EIF4G3: variants seen among roughly 807,000 people sequenced by gnomAD.
EIF4G3 encodes eukaryotic translation initiation factor 4 gamma 3.
In EIF4G3, 34 loss-of-function variants were observed where a neutral mutation model predicts 186.4. The observed-to-expected ratio is 0.18, with a 90% CI of 0.14 to 0.24. EIF4G3 has a LOEUF of 0.24. Among genes scored for constraint, EIF4G3 ranks in the 10% least tolerant of loss-of-function variants. The pLI, the probability that EIF4G3 is intolerant of heterozygous loss-of-function variation, is 1.00. For synonymous variants in EIF4G3, 673 were observed against 679.5 expected, an observed-to-expected ratio of 0.99 and a Z score of 0.15; for missense variants, 1,536 against 1,948.5, an observed-to-expected ratio of 0.79 and a Z score of 3.99.
intron 9 of EIF4G3, among the ~76,000 whole-genome samples, chr1:20,980,804 G>A (rs1381252903): frequency 1.3e-5 from 2 of 152,086 alleles, no homozygotes; most frequent in Non-Finnish European, 2.9e-5. Context: ...TGTGGCAAAG[G>A]GATGGGAGAA....
At chr1:20,821,637 C>T (rs979341140) in intron 33 of EIF4G3, among the ~76,000 whole-genome samples, 5 of 152,108 alleles carry the variant, frequency 3.3e-5, no homozygotes, top group African/African-American at 1.2e-4. Flanking sequence ...ATGTATACTT[C>T]TGTTATGTAT....
intron 34 of EIF4G3, among the ~76,000 whole-genome samples, chr1:20,816,146 G>A (rs1206689727): frequency 2.4e-5 from 3 of 126,692 alleles, no homozygotes; most frequent in Admixed American, 2.3e-4. Context: ...CGGGAGGTGA[G>A]GGGCGCCTCT....
intron 2 of EIF4G3, among the ~76,000 whole-genome samples, chr1:21,141,463 T>C (rs1399805659): frequency 6.6e-6 from 1 of 150,810 alleles, no homozygotes; most frequent in African/African-American, 2.4e-5. Context: ...AACTTTTGTA[T>C]TTTTTTCCTA....
intron 3 of EIF4G3, among the ~76,000 whole-genome samples, chr1:21,083,056 A>G (rs1175137355): frequency 6.8e-6 from 1 of 146,712 alleles, no homozygotes; most frequent in East Asian, 2.0e-4. Flanking sequence ...AAAAAAAAAA[A>G]AAAAAAAAAA....
At chr1:20,928,107 C>T (rs1237922957) in intron 14 of EIF4G3, among the ~76,000 whole-genome samples, 2 of 152,030 alleles carry the variant, frequency 1.3e-5, no homozygotes, top group Non-Finnish European at 2.9e-5. Flanking sequence ...CATTCAATAC[C>T]AAGCTGAGAA....
intron 2 of EIF4G3, among the ~76,000 whole-genome samples, chr1:21,151,952 AAAG>A (rs1163596798): frequency 1.3e-5 from 2 of 152,186 alleles, no homozygotes; most frequent in African/African-American, 4.8e-5. Context: ...AGTTCAAACA[AAAG>A]AAGACAGTAA....
Position 20,825,049 on chromosome 1 carries a change from A to C in EIF4G3, c.4368+51T>G, listed in dbSNP as rs1054308142. 3 of 1,234,694 alleles carry C rather than the reference A, an allele frequency of 2.4e-6. No homozygotes were observed. The African/African-American group carries it at 4.6e-5, about 19-fold the overall frequency. 76.5% of individuals were successfully genotyped at this position (1,234,694 alleles called of 1,614,324 possible). A position where few individuals can be genotyped will look rare whatever the true frequency, so the allele number is the denominator to read the frequency against. On this transcript the variant is annotated intron_variant, in intron 33 of 36. Transcript: ENST00000602326. ...GAAGGAAATTACCTTCACTTCCTCT[A>C]TGAAATAGATCAACTACTATCAAAC...
rs532269437 is a variant in EIF4G3, at chr1:20,981,254, T to A, written c.199-27A>T. The stretch of plus-strand genomic sequence containing the variant: ...TGGGAAGGGGAGAAAAAAAAAATTT[T>A]TTTTTTTTTTTAACACAGGGGAATA... On this transcript the variant is annotated intron_variant, in intron 8 of 36. Transcript: ENST00000602326. The A allele has an allele frequency of 1.2e-5, 18 of 1,519,078 alleles. No individual in the cohort carries two copies. The East Asian group carries it at 3.2e-4, about 27-fold the overall frequency. The allele number at this position is 1,519,078 out of a possible 1,614,324, so 94.1% of individuals were successfully genotyped here.
chr1:21,149,037 A>C (rs2102770839), intron 2 of EIF4G3, among the ~76,000 whole-genome samples: 1 of 152,146 alleles, frequency 6.6e-6, no homozygotes, highest in Non-Finnish European at 1.5e-5. Context: ...TGGAGGTTAC[A>C]GTGAGCTATG....
At chr1:20,847,545 C>T (rs1368828210) in intron 29 of EIF4G3, among the ~76,000 whole-genome samples, 1 of 152,202 alleles carries the variant, frequency 6.6e-6, no homozygotes, top group East Asian at 1.9e-4. Context: ...CTTCAAATTA[C>T]ATCTGAAGCC....
intron 12 of EIF4G3, among the ~76,000 whole-genome samples, chr1:20,965,973 C>T (rs748292615): frequency 6.6e-6 from 1 of 152,116 alleles, no homozygotes; most frequent in Admixed American, 6.6e-5. Context: ...ATGTCTGATT[C>T]CAAGTCAAAG....
At chr1:20,836,524 G>A (rs1557847982) in intron 30 of EIF4G3, among the ~76,000 whole-genome samples, 1 of 152,192 alleles carries the variant, frequency 6.6e-6, no homozygotes, top group Non-Finnish European at 1.5e-5. Context: ...TGAGATTACA[G>A]GAATGAATCA....
chr1:20,979,892 A>C (rs1185388476), intron 10 of EIF4G3, among the ~76,000 whole-genome samples: 1 of 151,940 alleles, frequency 6.6e-6, no homozygotes, highest in African/African-American at 2.4e-5. Context: ...CTGGGACTAC[A>C]GGCACCCGCC....
intron 4 of EIF4G3, among the ~76,000 whole-genome samples, chr1:21,023,674 C>T (rs919496872): frequency 5.9e-5 from 9 of 151,822 alleles, no homozygotes; most frequent in African/African-American, 2.2e-4. Context: ...TCTGCCCAGC[C>T]GCCACCCCGT....
rs147623534 is a variant in EIF4G3, at chr1:20,924,304, C to CA, written c.1663+17186dup. 5.5e-3 allele frequency among the ~76,000 whole-genome samples: 841 copies of CA among 151,966 alleles called. 12 individuals carry two copies. The highest frequency in any genetic ancestry group is 0.025 in the East Asian group (128 of 5,174). On this transcript the variant is annotated intron_variant, in intron 14 of 36. Transcript: ENST00000602326. The stretch of plus-strand genomic sequence containing the variant: ...TGAACTGAATACTAAATCTTATATC[C>CA]AAAAAAACTGGAATTTTTCTGCACT...
intron 2 of EIF4G3, among the ~76,000 whole-genome samples, chr1:21,118,502 T>A (rs564553464): frequency 1.3e-5 from 2 of 152,140 alleles, no homozygotes; most frequent in South Asian, 4.1e-4. Flanking sequence ...TATAGAAATG[T>A]TGGGCCCGGC....
At chr1:21,081,239 T>G (rs896590776) in intron 3 of EIF4G3, among the ~76,000 whole-genome samples, 2 of 152,154 alleles carry the variant, frequency 1.3e-5, no homozygotes, top group Non-Finnish European at 2.9e-5. Flanking sequence ...AAGACCATCA[T>G]GGCCAACATG....
intron 8 of EIF4G3, among the ~76,000 whole-genome samples, chr1:20,981,660 TATACGCACATACTGTATGTATACATAC>T (rs2078211530): frequency 7.6e-6 from 1 of 131,120 alleles, no homozygotes; most frequent in Non-Finnish European, 1.6e-5. Flanking sequence ...TACATACATG[TATACGCACATACTGTATGTATACATAC>T]ATGTATACGC....
intron 3 of EIF4G3, among the ~76,000 whole-genome samples, chr1:21,083,447 G>A (rs1007432903): frequency 1.3e-4 from 19 of 151,414 alleles, no homozygotes; most frequent in Admixed American, 1.3e-3. Flanking sequence ...CAAAGTGCTA[G>A]GATTACAGGC....
Sources: gnomAD v4.1 joint callset for allele counts (sites outside exome capture counted in the v4.1 genomes callset) on GRCh38, gnomAD v4.1.1 for gene constraint, MANE v1.5 for transcripts, NCBI Gene and HGNC (gene_info 2026-07-23, HGNC 2026-07-21) for gene names.